The following MADD variants were observed in gnomAD, a reference collection of about 807,000 sequenced individuals.
The protein encoded by MADD is MAP kinase-activating death domain protein.
Under a neutral mutation model 176.7 loss-of-function variants are expected in MADD, and 109 were observed. The ratio of observed to expected loss-of-function variants is 0.62; its 90% CI spans 0.53 to 0.72. MADD has a LOEUF of 0.72. MADD is among the 30% of genes least tolerant of loss of function. The pLI, the probability that MADD is intolerant of heterozygous loss-of-function variation, is 0.00. For synonymous variants in MADD, 771 were observed against 771.3 expected (o/e 1.00, Z 0.01); for missense variants, 1,914 against 2,045.5 (o/e 0.94, Z 1.24).
chr11:47,300,559 G>A (rs1026104294), intron 22 of MADD, among the ~76,000 whole-genome samples: 1 of 151,856 alleles, frequency 6.6e-6, no homozygotes, highest in African/African-American at 2.4e-5. Context: ...GTGCAATGGT[G>A]TGATGTTGGC....
chr11:47,282,801 C>T lies in MADD; in HGVS notation c.1706-12C>T. 6 of 1,610,726 alleles carry T rather than the reference C, an allele frequency of 3.7e-6. No individual in the cohort carries two copies. Among genetic ancestry groups the T allele is most frequent in the South Asian group, 1.1e-5 (1 of 90,754 alleles). ...TGCTGCTGACTTTCTGTTCTTTTCC[C>T]TCATGGGGTAGATATGTTTGATCCA... is the stretch of plus-strand genomic sequence containing the variant. On this transcript the variant is annotated splice_polypyrimidine_tract_variant and intron_variant, in intron 9 of 32. Coordinates refer to ENST00000402192, the Ensembl canonical transcript of MADD.
chr11:47,279,459 A>G (rs998937740), intron 7 of MADD, among the ~76,000 whole-genome samples: 1 of 139,560 alleles, frequency 7.2e-6, no homozygotes, highest in Non-Finnish European at 1.5e-5. Context: ...ATCTCGGCTC[A>G]CTGCAAGCTC....
At chr11:47,282,671 G>T in intron 9 of MADD, 55 bp downstream of exon 9, 2 of 1,596,666 alleles carry the variant, frequency 1.3e-6, no homozygotes, top group Non-Finnish European at 1.7e-6. Flanking sequence ...CCTCCTGATG[G>T]ACTTTGATTT....
chr11:47,297,789 C>CTTTCTT (rs530255848), intron 22 of MADD, among the ~76,000 whole-genome samples: 4 of 113,390 alleles, frequency 3.5e-5, no homozygotes, highest in African/African-American at 1.0e-4. Context: ...TTCTTTCTTT[C>CTTTCTT]TTTTTTTTTT....
exon 28 of MADD, chr11:47,323,816 A>C: frequency 6.2e-7 from 1 of 1,614,228 alleles, no homozygotes; most frequent in Non-Finnish European, 8.5e-7. Context: ...ACCCAGCTCA[A>C]CAAGTTCTAT....
chr11:47,277,007 G>A (rs1054650763), intron 5 of MADD, 144 bp downstream of exon 5: 23 of 1,022,086 alleles, frequency 2.3e-5, no homozygotes, highest in Non-Finnish European at 3.2e-5. Context: ...GATTTGAACT[G>A]ATCTGGTGGC....
At chr11:47,310,961 A>AT (rs1383302138) in intron 25 of MADD, among the ~76,000 whole-genome samples, 14 of 151,726 alleles carry the variant, frequency 9.2e-5, no homozygotes, top group Admixed American at 9.2e-4. Flanking sequence ...GCACAGCCCT[A>AT]TATCTTACAG....
chr11:47,309,761 AG>A, intron 25 of MADD, 149 bp downstream of exon 28: 1 of 623,476 alleles, frequency 1.6e-6, no homozygotes, highest in Admixed American at 2.8e-5. Context: ...CCTCTCTGCC[AG>A]CTTACAAATG....
exon 8 of MADD, chr11:47,281,740 G>A: frequency 1.2e-6 from 2 of 1,603,872 alleles, no homozygotes; most frequent in Non-Finnish European, 1.7e-6. Flanking sequence ...GGATTCTGTG[G>A]ATGTTGCAAC....
exon 13 of MADD, chr11:47,285,179 A>G (rs1478131595): frequency 9.3e-6 from 15 of 1,613,790 alleles, no homozygotes; most frequent in African/African-American, 2.7e-5. Context: ...TTCAGCCAAC[A>G]TGTCAGTGGC....
intron 22 of MADD, among the ~76,000 whole-genome samples, chr11:47,308,377 GGA>G (rs1272349151): frequency 6.6e-6 from 1 of 152,208 alleles, no homozygotes; most frequent in African/African-American, 2.4e-5. Flanking sequence ...CAGAGACTAA[GGA>G]GTAAAGATAA....
intron 26 of MADD, among the ~76,000 whole-genome samples, chr11:47,312,463 G>T (rs1202974012): frequency 6.6e-6 from 1 of 152,170 alleles, no homozygotes; most frequent in African/African-American, 2.4e-5. Context: ...TCACTCTCTT[G>T]TTGCCCAGAC....
intron 2 of MADD, 23 bp downstream of exon 2, chr11:47,273,999 T>C (rs2047364715): frequency 6.2e-7 from 1 of 1,609,616 alleles, no homozygotes; most frequent in African/African-American, 1.3e-5. Flanking sequence ...AGATTGACTT[T>C]TGTCTTAATA....
rs1307730770 is a variant in MADD, at chr11:47,289,043, G to T, written c.2654-348G>T. ...AGTGGTGAAGGTGGGTCTTGCCTGT[G>T]AGCTGTGCATGATCTTTTTTTTTTC... On this transcript the variant is annotated intron_variant, in intron 15 of 32. Transcript: ENST00000402192. 9 of 1,584,428 alleles carry T rather than the reference G, an allele frequency of 5.7e-6. No individual in the cohort carries two copies. The highest frequency in any genetic ancestry group is 7.7e-6 in the Non-Finnish European group (9 of 1,171,910).
rs548744059 is a variant in MADD at position 47,300,396 on chromosome 11, A to G, written c.3642+4341A>G. ...TAATTTTTGTATTTTCAGTAGAGAC[A>G]GGGTTTCACCATGTTGGCCAGGGTG... On this transcript the variant is annotated intron_variant, in intron 22 of 32. Transcript: ENST00000402192. 8.6e-5 allele frequency among the ~76,000 whole-genome samples: 13 copies of G among 151,644 alleles called. No individual in the cohort carries two copies. The South Asian group carries it at 1.5e-3, about 17-fold the overall frequency.
At chr11:47,328,487 A>G in intron 31 of MADD, 171 bp from the exon 36 acceptor site, 1 of 1,484,178 alleles carries the variant, frequency 6.7e-7, no homozygotes, top group Admixed American at 2.2e-5. Context: ...CAGAGTCTGG[A>G]CAGAGCCTCT....
chr11:47,328,884 C>G (rs1431781168), intron 32 of MADD, among the ~76,000 whole-genome samples, 162 bp from the exon 37 acceptor site: 1 of 152,164 alleles, frequency 6.6e-6, no homozygotes, highest in Non-Finnish European at 1.5e-5. Flanking sequence ...CACACACACA[C>G]GGATCCCCTC....
chr11:47,308,750 C>T, intron 23 of MADD, 51 bp downstream of exon 25: 1 of 1,461,426 alleles, frequency 6.8e-7, no homozygotes, highest in South Asian at 1.2e-5. Flanking sequence ...CTGACTCAGC[C>T]AGGGGAGAGG....
At chr11:47,282,719 G>A (rs945442888) in intron 9 of MADD, 94 bp from the exon 10 acceptor site, 63 of 1,589,986 alleles carry the variant, frequency 4.0e-5, no homozygotes, top group Non-Finnish European at 4.7e-5. Flanking sequence ...TTCTATCCTG[G>A]CTCTGCTTTA....
Sources: allele counts gnomAD v4.1 joint callset (sites outside exome capture counted in the v4.1 genomes callset), GRCh38; gene constraint gnomAD v4.1.1; transcripts MANE v1.5; gene names NCBI Gene and HGNC (gene_info 2026-07-23, HGNC 2026-07-21).